PDE10A: variants seen among roughly 807,000 people sequenced by gnomAD.
The protein encoded by PDE10A is phosphodiesterase 10A, also known as cAMP and cAMP-inhibited cGMP 3',5'-cyclic phosphodiesterase 10A.
PDE10A carries 39 observed loss-of-function variants against 97.7 expected under a neutral mutation model. The observed-to-expected ratio is 0.40, with a 90% CI of 0.31 to 0.52. PDE10A has a LOEUF of 0.52. Ranked by LOEUF, PDE10A falls within the 20% of genes least tolerant of loss-of-function variation. The pLI is 0.56. For missense variants in PDE10A, 731 were observed against 1,047.8 expected (o/e 0.70, Z 4.17); for synonymous variants, 371 against 376.8 (o/e 0.98, Z 0.18).
chr6:165,400,200 T>C (rs549984441), intron 13 of PDE10A, among the ~76,000 whole-genome samples: 38 of 151,766 alleles, frequency 2.5e-4, no homozygotes, highest in African/African-American at 9.2e-4. Flanking sequence ...AAAATGAATA[T>C]AGACTTAACT....
intron 1 of PDE10A, among the ~76,000 whole-genome samples, chr6:165,973,273 G>C (rs1743653654): frequency 6.6e-6 from 1 of 152,046 alleles, no homozygotes; most frequent in Admixed American, 6.6e-5. Context: ...GTAAAAATTA[G>C]CCAGGCATGG....
chr6:165,380,608 G>A (rs574241779), intron 17 of PDE10A, among the ~76,000 whole-genome samples: 144 of 152,210 alleles, frequency 9.5e-4, no homozygotes, highest in Non-Finnish European at 1.7e-3. Flanking sequence ...TGAAACACAC[G>A]ACTTCACTTT....
chr6:165,609,583 C>T (rs570669042), intron 1 of PDE10A, among the ~76,000 whole-genome samples: 2,050 of 152,252 alleles, frequency 0.013, 48 homozygotes, highest in African/African-American at 0.047. Flanking sequence ...TGTTTGCAGA[C>T]GACATGATTG....
Position 165,413,625 on chromosome 6 carries a change from C to T in PDE10A, c.1952G>A (p.Arg651Gln), listed in dbSNP as rs768772986. The stretch of plus-strand genomic sequence containing the variant: ...CTGCACCACACCTATCACGCTGCCT[C>T]GGCTGACGATGGGCATGCACAGGAT... ...RNILCMPIVSRGSVIGVVQMV... is the reference protein window; with the variant it reads ...RNILCMPIVSQGSVIGVVQMV... The change falls in exon 13 of 22, where the codon CGA (arginine) becomes CAA (glutamine). Residue 651 changes from arginine to glutamine, a missense_variant. Physicochemically the swap from Arg to Gln is conservative, Grantham distance 43 (BLOSUM62 1). Coordinates refer to ENST00000539869, the MANE Select transcript of PDE10A (RefSeq NM_001385079.1). The T allele has an allele frequency of 1.2e-6, 2 of 1,614,164 alleles. No homozygotes were observed. Among genetic ancestry groups the T allele is most frequent in the Admixed American group, 1.7e-5 (1 of 60,014 alleles).
chr6:165,765,765 G>A (rs1777828744), intron 1 of PDE10A, among the ~76,000 whole-genome samples: 1 of 152,246 alleles, frequency 6.6e-6, no homozygotes, highest in South Asian at 2.1e-4. Flanking sequence ...GGCTCCTCAA[G>A]TGCCGCCAAA....
chr6:165,685,294 A>G (rs1791084738), intron 1 of PDE10A, among the ~76,000 whole-genome samples: 1 of 152,026 alleles, frequency 6.6e-6, no homozygotes, highest in Non-Finnish European at 1.5e-5. Context: ...AAAGAGAACA[A>G]TTTCATCAGC....
chr6:165,966,698 T>G (rs1784522000), intron 1 of PDE10A, among the ~76,000 whole-genome samples: 1 of 152,322 alleles, frequency 6.6e-6, no homozygotes, highest in South Asian at 2.1e-4. Context: ...GCAAAGAGAA[T>G]AAACAAGCAT....
At chr6:165,401,798 G>A (rs1232164635) in intron 13 of PDE10A, among the ~76,000 whole-genome samples, 1 of 152,100 alleles carries the variant, frequency 6.6e-6, no homozygotes, top group African/African-American at 2.4e-5. Flanking sequence ...CTCCATCCAT[G>A]TATTAACAAT....
intron 1 of PDE10A, among the ~76,000 whole-genome samples, chr6:165,863,545 C>A (rs1780962364): frequency 6.6e-6 from 1 of 152,148 alleles, no homozygotes; most frequent in East Asian, 1.9e-4. Flanking sequence ...TACAATATAG[C>A]ACATTCATTT....
intron 2 of PDE10A, among the ~76,000 whole-genome samples, chr6:165,485,741 C>T (rs997861179): frequency 9.2e-5 from 14 of 151,766 alleles, no homozygotes; most frequent in African/African-American, 3.1e-4. Context: ...TGCAGGCGCC[C>T]GCCACCATGC....
intron 18 of PDE10A, among the ~76,000 whole-genome samples, chr6:165,353,192 A>G (rs1782809975): frequency 6.6e-6 from 1 of 152,226 alleles, no homozygotes; most frequent in Non-Finnish European, 1.5e-5. Flanking sequence ...ACAATGCCCA[A>G]TGCTGGATAT....
intron 2 of PDE10A, among the ~76,000 whole-genome samples, chr6:165,528,080 A>G (rs1360157949): frequency 6.6e-6 from 1 of 152,196 alleles, no homozygotes. Context: ...GTGATTATAT[A>G]CGGATTCATG....
intron 1 of PDE10A, among the ~76,000 whole-genome samples, chr6:165,620,970 G>T (rs574512295): frequency 6.7e-6 from 1 of 149,490 alleles, no homozygotes; most frequent in African/African-American, 2.5e-5. Context: ...GCGGTGAGCC[G>T]AGATCCTGCC....
At chr6:165,543,033 T>C (rs899781830) in intron 2 of PDE10A, among the ~76,000 whole-genome samples, 3 of 152,238 alleles carry the variant, frequency 2.0e-5, no homozygotes, top group Non-Finnish European at 4.4e-5. Context: ...ATTGTTTTTA[T>C]ATTGGCTTGT....
chr6:165,459,522 TAGACAGAC>T (rs138521828), intron 3 of PDE10A, among the ~76,000 whole-genome samples: 13,139 of 105,678 alleles, frequency 0.12, 715 homozygotes, highest in Middle Eastern at 0.24. Flanking sequence ...GATAGATAGA[TAGACAGAC>T]AGACAGACAG....
At chr6:165,632,432 T>G (rs1788677849) in intron 1 of PDE10A, among the ~76,000 whole-genome samples, 2 of 152,132 alleles carry the variant, frequency 1.3e-5, no homozygotes, top group Admixed American at 6.5e-5. Context: ...AGACCTTCTC[T>G]CTCCACTGAG....
chr6:165,442,660 G>A (rs745953781), intron 5 of PDE10A, among the ~76,000 whole-genome samples: 4 of 152,138 alleles, frequency 2.6e-5, no homozygotes, highest in African/African-American at 4.8e-5. Flanking sequence ...CCCTTGATAT[G>A]TGATGATTAC....
At chr6:165,976,177 A>G (rs768292836) in intron 1 of PDE10A, among the ~76,000 whole-genome samples, 3 of 152,232 alleles carry the variant, frequency 2.0e-5, no homozygotes, top group Non-Finnish European at 2.9e-5. Flanking sequence ...TTCATAATGA[A>G]GCTAAAAAAG....
At chr6:165,701,884 T>C (rs1432438500) in intron 1 of PDE10A, among the ~76,000 whole-genome samples, 1 of 152,012 alleles carries the variant, frequency 6.6e-6, no homozygotes, top group Non-Finnish European at 1.5e-5. Context: ...TGAGTCTTGA[T>C]GAATGATGGT....
Sources: gnomAD v4.1 joint callset for allele counts (sites outside exome capture counted in the v4.1 genomes callset) on GRCh38, gnomAD v4.1.1 for gene constraint, MANE v1.5 for transcripts, NCBI Gene and HGNC (gene_info 2026-07-23, HGNC 2026-07-21) for gene names.